Variants in EIF3G observed in about 807,000 individuals in gnomAD.
EIF3G encodes eukaryotic translation initiation factor 3 subunit G, also known as eukaryotic translation initiation factor 3 RNA-binding subunit.
A neutral mutation model predicts 41.7 loss-of-function variants in EIF3G; 10 were observed. That is an observed-to-expected ratio of 0.24 (90% CI 0.15 to 0.41). EIF3G has a LOEUF of 0.41. Among genes scored for constraint, EIF3G ranks in the 10% least tolerant of loss-of-function variants. The probability of loss-of-function intolerance (pLI) is 1.00; values close to 1 mark genes in which losing one functional copy is unlikely to be tolerated. For synonymous variants in EIF3G, 204 were observed against 172.5 expected (o/e 1.18, Z -1.43); for missense variants, 297 against 444.0 (o/e 0.67, Z 2.98).
In EIF3G at chr19:10,115,826, T is replaced by A. The variant is rs2089235908; in HGVS notation, c.704-6A>T. The A allele has an allele frequency of 1.2e-6, 2 of 1,611,498 alleles. No individual in the cohort carries two copies. The highest frequency in any genetic ancestry group is 1.7e-6 in the Non-Finnish European group (2 of 1,179,662). On this transcript the variant is annotated splice_polypyrimidine_tract_variant and splice_region_variant and intron_variant, in intron 8 of 10. Coordinates refer to ENST00000253108, the MANE Select transcript of EIF3G (RefSeq NM_003755.5). ...GATGGTGGCGTTGTCGTCGGCTGTG[T>A]GGGAGAGGGGAGGTGGCTGTGAGGG... is the stretch of plus-strand genomic sequence containing the variant.
Position 10,118,867 on chromosome 19 carries a change from C to A in EIF3G, c.240+1G>T. ...CCACTCCCTGCACCCCCCACCCTCA[C>A]CTTGAACTTCTTGCCATCCTCATCT... On this transcript the variant is annotated splice_donor_variant, in intron 4 of 10. Coordinates refer to ENST00000253108, the MANE Select transcript of EIF3G (RefSeq NM_003755.5). LOFTEE classifies it high-confidence loss of function. 6.2e-7 allele frequency: 1 copy of A among 1,613,934 alleles called. No individual in the cohort carries two copies. The highest frequency in any genetic ancestry group is 1.3e-5 in the African/African-American group (1 of 75,006).
intron 2 of EIF3G, 106 bp downstream of exon 2, chr19:10,119,548 G>T: frequency 1.4e-6 from 2 of 1,393,584 alleles, no homozygotes; most frequent in Non-Finnish European, 9.8e-7. Flanking sequence ...CGGGGCAGGG[G>T]CAGACCGTGA....
chr19:10,115,258 A>G, intron 10 of EIF3G, 129 bp from the exon 11 acceptor site: 1 of 1,283,306 alleles, frequency 7.8e-7, no homozygotes, highest in Non-Finnish European at 1.1e-6. Flanking sequence ...GCACGGAGCC[A>G]GATGGCCAGT....
Position 10,116,061 on chromosome 19 carries a change from C to T in EIF3G, c.609G>A (p.Val203=), listed in dbSNP as rs375266384. The change falls in exon 8 of 11, where the codon GTG becomes GTA. Residue 203 remains valine, a synonymous_variant. Coordinates refer to ENST00000253108, the MANE Select transcript of EIF3G (RefSeq NM_003755.5). The surrounding 1 kb of genome is among the most constrained non-coding windows in gnomAD (Gnocchi z 4.1). ...TCCCTGTCTTGTTCTGCGTGGCCTG[C>T]ACCGGCTCTAGCTCTGGGGACCAAA... ...KEKLPGELEP[V]QATQNKTGKY... is the part of the protein sequence containing the mutation. The T allele has an allele frequency of 1.5e-5, 25 of 1,613,890 alleles. No individual in the cohort carries two copies. The African/African-American group carries it at 1.9e-4, about 12-fold the overall frequency.
chr19:10,116,334 A>AGCCTCACATGCACAGCAACG lies in EIF3G; in HGVS notation c.596-261_596-260insCGTTGCTGTGCATGTGAGGC, dbSNP rs2089249676. The AGCCTCACATGCACAGCAACG allele has an allele frequency of 1.8e-6, 1 of 559,918 alleles. No individual in the cohort carries two copies. The highest frequency in any genetic ancestry group is 1.9e-5 in the African/African-American group (1 of 52,848). 34.7% of individuals were successfully genotyped at this position (559,918 alleles called of 1,614,324 possible). ...GAGAGGGCGGGAGGACAACAGGGGCAGCAGCCTCACATGCACAGCAACGGC... is the reference window on the plus strand; with the variant it reads ...GAGAGGGCGGGAGGACAACAGGGGCAGCCTCACATGCACAGCAACGGCAGCCTCACATGCACAGCAACGGC... On this transcript the variant is annotated intron_variant, in intron 7 of 10. Transcript: ENST00000253108. This position sits in a 1 kb window ranked among gnomAD's most constrained non-coding sequence, Gnocchi z 4.1.
rs2089242204 is a variant in EIF3G at position 10,116,023 on chromosome 19, G to A, written c.647C>T (p.Pro216Leu). The change falls in exon 8 of 11, where the codon CCG becomes CTG. Residue 216 changes from proline to leucine, a missense_variant. Coordinates refer to ENST00000253108, the MANE Select transcript of EIF3G (RefSeq NM_003755.5). The surrounding 1 kb of genome is among the most constrained non-coding windows in gnomAD (Gnocchi z 4.1). ...GCGGCTGGCCCCGTCGCGCAGGCTC[G>A]GCGGCACATACTTCCCTGTCTTGTT... The part of the protein sequence containing the change: ...TQNKTGKYVP[P>L]SLRDGASRRG... 6.2e-7 allele frequency: 1 copy of A among 1,613,838 alleles called. No individual in the cohort carries two copies. Among genetic ancestry groups the A allele is most frequent in the Non-Finnish European group, 8.5e-7 (1 of 1,179,878 alleles).
rs549623816 is a variant in EIF3G at position 10,117,021 on chromosome 19, G to A, written c.406-32C>T. 106 of 1,603,518 alleles carry A rather than the reference G, an allele frequency of 6.6e-5. 1 individual carries two copies. In the South Asian group the frequency reaches 1.1e-3, roughly 16 times the overall value. ...GGGGCGGGTTGGGGGGAGCTCAGAG[G>A]CGGCTAAGGCACCCCCTTTGCCCCA... is the stretch of plus-strand genomic sequence containing the variant. On this transcript the variant is annotated intron_variant, in intron 6 of 10. Transcript: ENST00000253108.
chr19:10,119,159 G>A lies in EIF3G; in HGVS notation c.80C>T (p.Thr27Ile), dbSNP rs1470736205. 1 of 1,585,508 alleles carries A rather than the reference G, an allele frequency of 6.3e-7. No individual in the cohort carries two copies. ...AGGGATCCCCTTGAGGAGCTCGCTGGTGACACATTTGTCTGCAAAAGGCAG... is the reference window on the plus strand; with the variant it reads ...AGGGATCCCCTTGAGGAGCTCGCTGATGACACATTTGTCTGCAAAAGGCAG... The part of the protein sequence containing the change: ...EEEGEDDKCV[T>I]SELLKGIPLA... The change falls in exon 3 of 11, where the codon ACC (threonine) becomes ATC (isoleucine). Residue 27 changes from threonine (T) to isoleucine (I), a missense_variant. Physicochemically the swap from Thr to Ile is moderately conservative, Grantham distance 89 (BLOSUM62 -1). This residue lies in a region of EIF3G where 147 missense variants were observed against 162.4 expected (regional missense o/e 0.91). Coordinates refer to ENST00000253108, the MANE Select transcript of EIF3G (RefSeq NM_003755.5).
chr19:10,115,383 T>G (rs775993782), intron 10 of EIF3G, 96 bp downstream of exon 10: 58 of 1,380,168 alleles, frequency 4.2e-5, no homozygotes, highest in Admixed American at 2.0e-4. Flanking sequence ...GCCGGGGGAC[T>G]GTTAAATTGG....
chr19:10,116,172 A>G lies in EIF3G; in HGVS notation c.596-98T>C, dbSNP rs2089246012. On this transcript the variant is annotated intron_variant, in intron 7 of 10. Transcript: ENST00000253108. This position sits in a 1 kb window ranked among gnomAD's most constrained non-coding sequence, Gnocchi z 4.1. ...TCGGGCTTCAGTGTTGAGCCAGCGC[A>G]GGCACTGTGTGCCAAACCACAGGCA... 1.6e-6 allele frequency: 2 copies of G among 1,266,522 alleles called. No homozygotes were observed. Among genetic ancestry groups the G allele is most frequent in the African/African-American group, 1.5e-5 (1 of 67,246 alleles). 78.5% of individuals were successfully genotyped at this position (1,266,522 alleles called of 1,614,324 possible).
At chr19:10,119,194 G>A (rs765470348) in intron 2 of EIF3G, 23 bp from the exon 3 acceptor site, 52 of 1,559,732 alleles carry the variant, frequency 3.3e-5, no homozygotes, top group Non-Finnish European at 4.3e-5. Context: ...GCGTAGGAAG[G>A]AGGAGTCAGC....
At chr19:10,115,928 G>A in intron 8 of EIF3G, 39 bp downstream of exon 8, 2 of 1,607,750 alleles carry the variant, frequency 1.2e-6, no homozygotes, top group South Asian at 1.1e-5. Context: ...GGTGCCGGGA[G>A]GTGCCCACCC....
rs2089264749 is a variant in EIF3G at position 10,117,123 on chromosome 19, G to C, written c.366C>G (p.Val122=). 6.2e-7 allele frequency: 1 copy of C among 1,613,666 alleles called. No homozygotes were observed. Among genetic ancestry groups the C allele is most frequent in the African/African-American group, 1.3e-5 (1 of 74,872 alleles). The change falls in exon 6 of 11, where the codon GTC becomes GTG. Residue 122 remains valine (V), a synonymous_variant. Transcript: ENST00000253108. Reference sequence around the variant, plus strand: ...TGAACGTCATAGAGACATCGTCACTGACAGTGGTGGTGGCCACATTGGGTC... The same window carrying C: ...TGAACGTCATAGAGACATCGTCACTCACAGTGGTGGTGGCCACATTGGGTC... ...PPGPNVATTT[V]SDDVSMTFIT...
rs760277830 is a variant in EIF3G, at chr19:10,117,207, G to A, written c.301-19C>T. 2 of 1,585,838 alleles carry A rather than the reference G, an allele frequency of 1.3e-6. No individual in the cohort carries two copies. Among genetic ancestry groups the A allele is most frequent in the Non-Finnish European group, 1.7e-6 (2 of 1,162,020 alleles). The stretch of plus-strand genomic sequence containing the variant: ...TCCAGTTCTGGGCTCAGGGAGGGAT[G>A]GGGGACAGTTGAGGGCAGGGGCAGG... On this transcript the variant is annotated intron_variant, in intron 5 of 10. Coordinates refer to ENST00000253108, the MANE Select transcript of EIF3G (RefSeq NM_003755.5).
At chr19:10,119,231 G>T in intron 2 of EIF3G, 60 bp from the exon 3 acceptor site, 1 of 1,520,834 alleles carries the variant, frequency 6.6e-7, no homozygotes, top group Non-Finnish European at 8.9e-7. Flanking sequence ...CCCCAGCTGC[G>T]ATGGAAGGGC....
At chr19:10,119,293 G>T in intron 2 of EIF3G, 122 bp from the exon 3 acceptor site, 1 of 1,125,888 alleles carries the variant, frequency 8.9e-7, no homozygotes. Context: ...CAAGGGCAGA[G>T]GGCTGGCCAG....
rs750780486 is a variant in EIF3G at position 10,116,873 on chromosome 19, C to T, written c.522G>A (p.Thr174=). The T allele has an allele frequency of 8.1e-6, 13 of 1,613,692 alleles. No homozygotes were observed. Among genetic ancestry groups the T allele is most frequent in the East Asian group, 6.7e-5 (3 of 44,878 alleles). The change falls in exon 7 of 11, where the codon ACG becomes ACA. Residue 174 remains threonine, a synonymous_variant. Coordinates refer to ENST00000253108, the MANE Select transcript of EIF3G (RefSeq NM_003755.5). The surrounding 1 kb of genome is among the most constrained non-coding windows in gnomAD (Gnocchi z 4.1). The part of the protein sequence containing the change: ...HWTTRCPYKD[T]LGPMQKELAE... ...CCAGCTCCTTCTGCATGGGCCCCAG[C>T]GTATCCTTGTAGGGGCAGCGGGTGG...
In EIF3G at chr19:10,116,770, A is replaced by G; in HGVS notation, c.595+30T>C. 1.3e-6 allele frequency: 2 copies of G among 1,541,446 alleles called. No homozygotes were observed. Among genetic ancestry groups the G allele is most frequent in the East Asian group, 2.3e-5 (1 of 44,146 alleles). ...GCAGCAGTGGGGACAGAACCCGTGC[A>G]CTGACAGCAGGACCCTCCCACCCCC... is the stretch of plus-strand genomic sequence containing the variant. On this transcript the variant is annotated intron_variant, in intron 7 of 10. Coordinates refer to ENST00000253108, the MANE Select transcript of EIF3G (RefSeq NM_003755.5). The surrounding 1 kb of genome is among the most constrained non-coding windows in gnomAD (Gnocchi z 4.1).
In EIF3G at chr19:10,117,216, T is replaced by G. The variant is rs369393027; in HGVS notation, c.301-28A>C. 46 of 1,559,628 alleles carry G rather than the reference T, an allele frequency of 2.9e-5. No individual in the cohort carries two copies. In the African/African-American group the frequency reaches 5.3e-4, roughly 18 times the overall value. ...GGGCTCAGGGAGGGATGGGGGACAG[T>G]TGAGGGCAGGGGCAGGCTGGGTTCC... On this transcript the variant is annotated intron_variant, in intron 5 of 10. Transcript: ENST00000253108.
Sources: gnomAD v4.1 joint callset for allele counts on GRCh38, gnomAD v4.1.1 for gene constraint, gnomAD v4.1.1 regional missense constraint, Gnocchi (gnomAD v3.1) non-coding constraint, MANE v1.5 for transcripts, NCBI Gene and HGNC (gene_info 2026-07-23, HGNC 2026-07-21) for gene names.